SOX6: variants seen among roughly 807,000 people sequenced by gnomAD.
SOX6 encodes the protein SRY-box transcription factor 6, also known as transcription factor SOX-6.
SOX6 carries 11 observed loss-of-function variants against 97.8 expected under a neutral mutation model. That is an observed-to-expected ratio of 0.11 (90% CI 0.07 to 0.19). The LOEUF is 0.19. Ranked by LOEUF, SOX6 falls within the 10% of genes least tolerant of loss-of-function variation. The probability of loss-of-function intolerance (pLI) is 1.00; values close to 1 mark genes in which losing one functional copy is unlikely to be tolerated. For synonymous variants in SOX6, 360 were observed against 371.4 expected, an observed-to-expected ratio of 0.97 and a Z score of 0.35; for missense variants, 810 against 1,039.5, an observed-to-expected ratio of 0.78 and a Z score of 3.04.
At chr11:16,065,320 C>A (rs534642394) in intron 9 of SOX6, among the ~76,000 whole-genome samples, 1 of 151,978 alleles carries the variant, frequency 6.6e-6, no homozygotes, top group South Asian at 2.1e-4. Flanking sequence ...TAAAAGATCT[C>A]TCTTAGGAAA....
intron 1 of SOX6, among the ~76,000 whole-genome samples, chr11:16,439,583 C>A (rs1859462259): frequency 6.6e-6 from 1 of 152,270 alleles, no homozygotes; most frequent in South Asian, 2.1e-4. Flanking sequence ...AATTACACAG[C>A]TACAGCACCA....
chr11:16,240,272 T>TAG (rs1853145327), intron 3 of SOX6, among the ~76,000 whole-genome samples: 1 of 94,996 alleles, frequency 1.1e-5, no homozygotes, highest in Non-Finnish European at 2.1e-5. Context: ...TACTAGATAA[T>TAG]ATAGTGTGTG....
intron 6 of SOX6, among the ~76,000 whole-genome samples, chr11:16,144,233 AC>A (rs1442532205): frequency 3.3e-5 from 5 of 152,208 alleles, no homozygotes; most frequent in African/African-American, 1.2e-4. Context: ...AAACTGAACA[AC>A]CTGCTCCTGA....
intron 1 of SOX6, among the ~76,000 whole-genome samples, chr11:16,364,502 G>C (rs1343608004): frequency 6.6e-6 from 1 of 152,062 alleles, no homozygotes; most frequent in East Asian, 1.9e-4. Context: ...CAACAAGACT[G>C]TTCTGGTTCT....
intron 5 of SOX6, among the ~76,000 whole-genome samples, chr11:16,185,423 C>T (rs771501089): frequency 2.6e-5 from 4 of 152,118 alleles, no homozygotes; most frequent in African/African-American, 4.8e-5. Context: ...GATGGTCCCT[C>T]CTAAATGATA....
At chr11:16,659,649 T>C (rs1210795395) in intron 3 of SOX6, among the ~76,000 whole-genome samples, 1 of 152,246 alleles carries the variant, frequency 6.6e-6, no homozygotes, top group Non-Finnish European at 1.5e-5. Context: ...CCACATAGCA[T>C]AAGTTAGGAA....
chr11:16,046,793 T>A, intron 11 of SOX6, 92 bp from the exon 12 acceptor site: 1 of 1,304,382 alleles, frequency 7.7e-7, no homozygotes, highest in Non-Finnish European at 1.1e-6. Flanking sequence ...AGCTGCATTC[T>A]CTGAACAAGG....
intron 6 of SOX6, among the ~76,000 whole-genome samples, chr11:16,138,531 T>C (rs1483054803): frequency 1.3e-5 from 2 of 151,846 alleles, no homozygotes; most frequent in African/African-American, 4.8e-5. Flanking sequence ...TTGTTGTTGT[T>C]TTTATTTTTT....
chr11:16,496,663 G>A (rs1370850955), intron 4 of SOX6, among the ~76,000 whole-genome samples: 1 of 152,228 alleles, frequency 6.6e-6, no homozygotes, highest in Non-Finnish European at 1.5e-5. Flanking sequence ...GGCACACCAG[G>A]AGATTGTATC....
intron 3 of SOX6, among the ~76,000 whole-genome samples, chr11:16,699,199 A>T (rs1452296998): frequency 2.0e-5 from 3 of 152,126 alleles, no homozygotes; most frequent in African/African-American, 7.2e-5. Flanking sequence ...TTTAGCATAT[A>T]TTTTCTCATT....
chr11:16,231,944 G>T (rs1235149912), intron 4 of SOX6, among the ~76,000 whole-genome samples: 3 of 151,520 alleles, frequency 2.0e-5, no homozygotes. Flanking sequence ...AATTTAAAAT[G>T]GAAAGAATAT....
chr11:16,507,012 C>G (rs575941680), intron 4 of SOX6, among the ~76,000 whole-genome samples: 3 of 152,024 alleles, frequency 2.0e-5, no homozygotes, highest in African/African-American at 7.2e-5. Context: ...TGCAATGAGC[C>G]AAGATCATAC....
chr11:16,561,621 G>A (rs565875121), intron 4 of SOX6, among the ~76,000 whole-genome samples: 1 of 152,224 alleles, frequency 6.6e-6, no homozygotes, highest in African/African-American at 2.4e-5. Flanking sequence ...TCAAGTCCCT[G>A]GACAGATTAT....
intron 13 of SOX6, among the ~76,000 whole-genome samples, chr11:16,007,548 C>G (rs10500821): frequency 0.11 from 16,582 of 151,960 alleles, 1,921 homozygotes; most frequent in East Asian, 0.36. Context: ...GAAAAGGAAA[C>G]GGCCAATTGA....
At chr11:16,371,014 C>A (rs1407480440) in intron 1 of SOX6, among the ~76,000 whole-genome samples, 1 of 152,088 alleles carries the variant, frequency 6.6e-6, no homozygotes, top group Admixed American at 6.6e-5. Flanking sequence ...TCAGATCATA[C>A]CACTTCTTTG....
chr11:16,382,056 T>C (rs944408732), intron 1 of SOX6, among the ~76,000 whole-genome samples: 11 of 152,040 alleles, frequency 7.2e-5, no homozygotes, highest in African/African-American at 2.4e-4. Context: ...TTACGTTTAA[T>C]CATTATAAAA....
At chr11:16,428,749 T>G (rs1324188386) in intron 1 of SOX6, among the ~76,000 whole-genome samples, 6 of 152,190 alleles carry the variant, frequency 3.9e-5, no homozygotes, top group Admixed American at 3.3e-4. Flanking sequence ...TAGTTTGAAG[T>G]CAGGTAGTGT....
chr11:16,596,407 C>G (rs963208544), intron 4 of SOX6, among the ~76,000 whole-genome samples: 22 of 152,212 alleles, frequency 1.4e-4, no homozygotes, highest in Non-Finnish European at 3.2e-4. Context: ...ATGACAGACA[C>G]AGCCTTTCTA....
intron 12 of SOX6, among the ~76,000 whole-genome samples, chr11:16,033,139 T>C (rs1373131486): frequency 6.6e-6 from 1 of 152,170 alleles, no homozygotes; most frequent in Non-Finnish European, 1.5e-5. Context: ...ACCTAACACC[T>C]AACCCATACA....
Sources: allele counts gnomAD v4.1 joint callset (sites outside exome capture counted in the v4.1 genomes callset), GRCh38; gene constraint gnomAD v4.1.1; transcripts MANE v1.5; gene names NCBI Gene and HGNC (gene_info 2026-07-23, HGNC 2026-07-21).